The following FER1L6 variants were observed in gnomAD, a reference collection of about 807,000 sequenced individuals.
The protein encoded by FER1L6 is fer-1-like protein 6.
In FER1L6, 177 loss-of-function variants were observed where a neutral mutation model predicts 219.2. The observed-to-expected ratio is 0.81, with a 90% CI of 0.71 to 0.91. The LOEUF (loss-of-function observed/expected upper bound fraction) is 0.91, where lower values mean the gene tolerates loss of function less well. Ranked by LOEUF, FER1L6 falls within the 40% of genes least tolerant of loss-of-function variation. FER1L6 has a pLI of 0.00. For synonymous variants in FER1L6, 768 were observed against 824.3 expected, an observed-to-expected ratio of 0.93 and a Z score of 1.17; for missense variants, 2,153 against 2,259.9, an observed-to-expected ratio of 0.95 and a Z score of 0.96.
intron 20 of FER1L6, among the ~76,000 whole-genome samples, chr8:124,044,352 T>A (rs1172911489): frequency 6.6e-6 from 1 of 151,922 alleles, no homozygotes; most frequent in African/African-American, 2.4e-5. Context: ...GTCTCAGACA[T>A]AAAGTACCCT....
At chr8:123,872,211 C>T (rs574529967) in intron 1 of FER1L6, among the ~76,000 whole-genome samples, 6 of 152,246 alleles carry the variant, frequency 3.9e-5, no homozygotes, top group South Asian at 2.1e-4. Context: ...GTGAGAGATC[C>T]GCCCCATAAT....
chr8:123,865,194 C>T (rs1240433904), intron 1 of FER1L6, among the ~76,000 whole-genome samples: 1 of 148,836 alleles, frequency 6.7e-6, no homozygotes, highest in South Asian at 2.1e-4. Flanking sequence ...AGTTTTCCTT[C>T]TAACAGACAG....
At position 123,895,550 on chromosome 8, in the gene FER1L6, C is replaced by A. The variant is rs113753325; in HGVS notation, c.-8+43365C>A. Among the ~76,000 whole-genome samples the A allele has an allele frequency of 2.3e-3, 357 of 152,172 alleles. 3 individuals carry two copies. The highest frequency in any genetic ancestry group is 7.5e-3 in the African/African-American group (312 of 41,534). ...AGTAACTTGCCCACAGCTCGTAGGT[C>A]GCGGAGTTGGGTTGTCTGGGTTCTG... is the stretch of plus-strand genomic sequence containing the variant. On this transcript the variant is annotated intron_variant, in intron 1 of 40. Coordinates refer to ENST00000522917, the MANE Select transcript of FER1L6 (RefSeq NM_001039112.2).
At chr8:123,932,559 G>A (rs925362122) in intron 1 of FER1L6, among the ~76,000 whole-genome samples, 1 of 152,206 alleles carries the variant, frequency 6.6e-6, no homozygotes, top group African/African-American at 2.4e-5. Flanking sequence ...GGAGGGATTT[G>A]GATCTGGTAG....
intron 17 of FER1L6, 137 bp downstream of exon 17, chr8:124,021,806 G>C (rs957088626): frequency 2.2e-6 from 2 of 897,742 alleles, no homozygotes; most frequent in Non-Finnish European, 3.4e-6. Context: ...GGCACTCCTA[G>C]TTTAGAGAAG....
intron 12 of FER1L6, among the ~76,000 whole-genome samples, chr8:123,993,496 A>T (rs902916551): frequency 9.3e-5 from 14 of 151,300 alleles, no homozygotes; most frequent in African/African-American, 3.4e-4. Context: ...TGTTTATTTG[A>T]TGAGCACCAG....
intron 12 of FER1L6, among the ~76,000 whole-genome samples, chr8:123,996,076 A>G (rs1817117952): frequency 6.6e-6 from 1 of 152,204 alleles, no homozygotes; most frequent in South Asian, 2.1e-4. Flanking sequence ...GTGGCCTAAC[A>G]TATGGTCTGT....
intron 22 of FER1L6, among the ~76,000 whole-genome samples, chr8:124,055,196 T>A (rs1199153027): frequency 1.3e-5 from 2 of 152,084 alleles, no homozygotes; most frequent in African/African-American, 4.8e-5. Context: ...CCCAGCACTT[T>A]AGGAAGCTGA....
At chr8:123,884,397 C>A (rs1817163308) in intron 1 of FER1L6, among the ~76,000 whole-genome samples, 1 of 152,212 alleles carries the variant, frequency 6.6e-6, no homozygotes, top group South Asian at 2.1e-4. Context: ...TCCTCTGCCC[C>A]AAAGTCACAG....
chr8:124,024,233 C>A (rs1010131526), intron 18 of FER1L6, among the ~76,000 whole-genome samples: 5 of 150,766 alleles, frequency 3.3e-5, no homozygotes, highest in African/African-American at 4.9e-5. Flanking sequence ...TTTAGGGTTA[C>A]AAGTGGTTTG....
chr8:124,119,608 C>A lies in FER1L6; in HGVS notation c.5392C>A (p.Arg1798Ser), dbSNP rs1255307549. 3.1e-6 allele frequency: 5 copies of A among 1,608,272 alleles called. No individual in the cohort carries two copies. The highest frequency in any genetic ancestry group is 4.3e-6 in the Non-Finnish European group (5 of 1,175,358). Residue 1798 changes from arginine (R) to serine (S), a missense_variant and splice_region_variant, in exon 41 of 41, where the codon CGC becomes AGC. Transcript: ENST00000522917. ...KEPEPLAKPN[R>S]PDTSFSWFMS... The stretch of plus-strand genomic sequence containing the variant: ...GATTTTCTCTTCCTTCCCCCTCAGC[C>A]GCCCAGACACCTCCTTTTCGTGGTT...
At chr8:124,118,723 A>G (rs1823351909) in intron 39 of FER1L6, 121 bp from the exon 40 acceptor site, 3 of 833,000 alleles carry the variant, frequency 3.6e-6, no homozygotes, top group Non-Finnish European at 5.5e-6. Flanking sequence ...TATCAAAATA[A>G]AGCAGCGGGA....
intron 34 of FER1L6, among the ~76,000 whole-genome samples, chr8:124,092,726 T>C (rs951285514): frequency 2.6e-5 from 4 of 152,150 alleles, no homozygotes; most frequent in African/African-American, 9.7e-5. Flanking sequence ...GGAAGCATGG[T>C]AGCATCCGCT....
intron 22 of FER1L6, among the ~76,000 whole-genome samples, chr8:124,052,482 A>C (rs547752141): frequency 6.6e-6 from 1 of 152,234 alleles, no homozygotes; most frequent in African/African-American, 2.4e-5. Flanking sequence ...GTAAAGAGAA[A>C]GTTAAAGAAA....
intron 1 of FER1L6, among the ~76,000 whole-genome samples, chr8:123,876,834 T>C (rs891556766): frequency 5.3e-5 from 8 of 152,230 alleles, no homozygotes; most frequent in Non-Finnish European, 1.0e-4. Flanking sequence ...TTCACTGATA[T>C]AGCCTTAGAA....
chr8:124,049,006 T>C (rs946532452), intron 21 of FER1L6, among the ~76,000 whole-genome samples: 1 of 152,160 alleles, frequency 6.6e-6, no homozygotes, highest in African/African-American at 2.4e-5. Flanking sequence ...AAGATAGCTT[T>C]GGGCCAGAAA....
chr8:123,960,872 A>T (rs1307210783), intron 2 of FER1L6, among the ~76,000 whole-genome samples: 1 of 152,170 alleles, frequency 6.6e-6, no homozygotes, highest in Non-Finnish European at 1.5e-5. Flanking sequence ...AGGACTGGCT[A>T]TCTTTTCAGA....
At chr8:123,855,945 ATG>A (rs199499965) in intron 1 of FER1L6, among the ~76,000 whole-genome samples, 10 of 145,870 alleles carry the variant, frequency 6.9e-5, no homozygotes, top group African/African-American at 2.3e-4. Context: ...TATGTAACTA[ATG>A]TAGTATATAT....
At chr8:124,011,224 C>G (rs987446720) in intron 14 of FER1L6, among the ~76,000 whole-genome samples, 1 of 152,170 alleles carries the variant, frequency 6.6e-6, no homozygotes, top group African/African-American at 2.4e-5. Context: ...ACCCACCATG[C>G]CTTTTCCTCT....
Sources: allele counts gnomAD v4.1 joint callset (sites outside exome capture counted in the v4.1 genomes callset), GRCh38; gene constraint gnomAD v4.1.1; transcripts MANE v1.5; gene names NCBI Gene and HGNC (gene_info 2026-07-23, HGNC 2026-07-21).